BRME1: variants seen among roughly 807,000 people sequenced by gnomAD.
The protein encoded by BRME1 is BRCA2 and MEILB2-associating protein 1.
Under a neutral mutation model 52.6 loss-of-function variants are expected in BRME1, and 31 were observed. The observed-to-expected ratio is 0.59, with a 90% CI of 0.44 to 0.80. The LOEUF (loss-of-function observed/expected upper bound fraction) is 0.80. BRME1 is among the 30% of genes least tolerant of loss of function. BRME1 has a pLI of 0.00. For missense variants in BRME1, 804 were observed against 860.3 expected (o/e 0.93, Z 0.82); for synonymous variants, 359 against 353.6 (o/e 1.02, Z -0.17).
rs1373667202 is a variant in BRME1 at position 13,889,624 on chromosome 19, A to T, written c.1232T>A (p.Val411Asp). ...AGQDGKPPGD[V>D]LVGPTASLAL... ...CAGGGAGGCTGTAGGGCCCACTAGG[A>T]CATCGCCGGGGGGCTTGCCATCCTG... Residue 411 changes from valine to aspartate, a missense_variant, in exon 6 of 9, where the codon GTC (valine) becomes GAC (aspartate). By Grantham distance (152) the Val-to-Asp change is radical (BLOSUM62 -3). This residue lies in a region of BRME1 where 552 missense variants were observed against 561.1 expected (regional missense o/e 0.98). Transcript: ENST00000586783. 1.9e-6 allele frequency: 3 copies of T among 1,608,762 alleles called. No individual in the cohort carries two copies. The highest frequency in any genetic ancestry group is 2.5e-6 in the Non-Finnish European group (3 of 1,177,118).
intron 2 of BRME1, among the ~76,000 whole-genome samples, chr19:13,902,694 C>A (rs544584251): frequency 8.0e-5 from 12 of 149,292 alleles, no homozygotes; most frequent in Non-Finnish European, 1.6e-4. Context: ...CACTTTGGGA[C>A]ACCAAGACGG....
In BRME1 at chr19:13,882,374, T is replaced by C. The variant is rs1020176535; in HGVS notation, c.*428A>G. ...CACGGGGCCTCTACAGAATCATTTA[T>C]TATGGGTCTTCCCAGAAGAAATAAA... On this transcript the variant is annotated 3_prime_UTR_variant, in exon 9 of 9. Transcript: ENST00000586783. The C allele has an allele frequency of 8.2e-5, 33 of 403,560 alleles. No homozygotes were observed. The highest frequency in any genetic ancestry group is 5.5e-4 in the African/African-American group (27 of 48,772). 25.0% of individuals were successfully genotyped at this position (403,560 alleles called of 1,614,324 possible).
intron 2 of BRME1, among the ~76,000 whole-genome samples, chr19:13,900,449 T>G (rs1196388808): frequency 6.6e-6 from 1 of 152,156 alleles, no homozygotes; most frequent in Non-Finnish European, 1.5e-5. Context: ...GTCAGAGAAA[T>G]TCTGATGCCT....
chr19:13,893,071 G>A (rs958798679), intron 4 of BRME1, 71 bp downstream of exon 4: 26 of 1,459,674 alleles, frequency 1.8e-5, no homozygotes, highest in Non-Finnish European at 2.4e-5. Flanking sequence ...ACAAAGAAGG[G>A]AGACACAGAG....
chr19:13,904,916 G>C lies in BRME1; in HGVS notation c.-21-3C>G. ...ATTTTATCTTCCCCTTGAGAAATCT[G>C]AAAACAAGCAAAATCTCTCATCATT... On this transcript the variant is annotated splice_region_variant and splice_polypyrimidine_tract_variant and intron_variant, in intron 1 of 8. Coordinates refer to ENST00000586783, the MANE Select transcript of BRME1 (RefSeq NM_001345843.2). 6.2e-7 allele frequency: 1 copy of C among 1,610,206 alleles called. No homozygotes were observed. The highest frequency in any genetic ancestry group is 8.5e-7 in the Non-Finnish European group (1 of 1,176,722).
At chr19:13,893,245 T>C in intron 3 of BRME1, 22 bp from the exon 4 acceptor site, 1 of 1,559,880 alleles carries the variant, frequency 6.4e-7, no homozygotes, top group Non-Finnish European at 8.7e-7. Flanking sequence ...AAGATAAAAC[T>C]GAAGGAGATC....
rs1968785428 is a variant in BRME1, at chr19:13,883,512, C to T, written c.1764-112G>A. On this transcript the variant is annotated intron_variant, in intron 7 of 8. Coordinates refer to ENST00000586783, the MANE Select transcript of BRME1 (RefSeq NM_001345843.2). The surrounding 1 kb of genome is among the most constrained non-coding windows in gnomAD (Gnocchi z 4.2). ...GCGCCATCTTTTCCAGGTGTCCAGC[C>T]TGTCCTCCTCTGTTCACGACAGAAC... 2.6e-6 allele frequency: 2 copies of T among 776,132 alleles called. No homozygotes were observed. 48.1% of individuals were successfully genotyped at this position (776,132 alleles called of 1,614,324 possible). A position where few individuals can be genotyped will look rare whatever the true frequency, so the allele number is the denominator to read the frequency against.
At chr19:13,895,907 A>C (rs1269079853) in intron 2 of BRME1, among the ~76,000 whole-genome samples, 2 of 152,180 alleles carry the variant, frequency 1.3e-5, no homozygotes, top group Admixed American at 6.6e-5. Flanking sequence ...TTCTGCACTA[A>C]CTTCCCCATC....
chr19:13,888,209 A>ATT lies in BRME1; in HGVS notation c.1668+977_1668+978dup, dbSNP rs774420250. ...TGGGAGCCACTGTGCCTGGCCATGA[A>ATT]TTTTTTTTTTTTTTTTTAACATCTC... On this transcript the variant is annotated intron_variant, in intron 6 of 8. Transcript: ENST00000586783. This position sits in a 1 kb window ranked among gnomAD's most constrained non-coding sequence, Gnocchi z 4.1. Among the ~76,000 whole-genome samples the ATT allele has an allele frequency of 5.6e-5, 8 of 143,976 alleles. No homozygotes were observed. Among genetic ancestry groups the ATT allele is most frequent in the African/African-American group, 1.5e-4 (6 of 39,416 alleles). 94.5% of individuals were successfully genotyped at this position (143,976 alleles called of 152,430 possible).
rs1369060184 is a variant in BRME1 at position 13,889,178 on chromosome 19, C to A, written c.1668+10G>T. ...GGGCAGGTATGTCTGTCACTCAGGGCAGCTCTCACCTGCTCAGGTGGGGCT... is the reference window on the plus strand; with the variant it reads ...GGGCAGGTATGTCTGTCACTCAGGGAAGCTCTCACCTGCTCAGGTGGGGCT... On this transcript the variant is annotated intron_variant, in intron 6 of 8. Coordinates refer to ENST00000586783, the MANE Select transcript of BRME1 (RefSeq NM_001345843.2). 4 of 1,549,498 alleles carry A rather than the reference C, an allele frequency of 2.6e-6. No individual in the cohort carries two copies. The highest frequency in any genetic ancestry group is 2.7e-5 in the African/African-American group (2 of 72,994).
In BRME1 at chr19:13,892,834, T is replaced by C. The variant is rs772844852; in HGVS notation, c.345A>G (p.Arg115=). ...GGTCCTCATCCTTCATCTCTTCTTT[T>C]CTTGTCACTGTCTTCCTGGATTTTG... The part of the protein sequence containing the change: ...QFAKSRKTVT[R]KEEMKDEDRG... Residue 115 remains arginine (R), a synonymous_variant, in exon 5 of 9, where the codon AGA becomes AGG. Transcript: ENST00000586783. 2.5e-6 allele frequency: 4 copies of C among 1,614,214 alleles called. No individual in the cohort carries two copies. In the South Asian group the frequency reaches 4.4e-5, roughly 18 times the overall value.
At chr19:13,899,698 T>C (rs574681213) in intron 2 of BRME1, among the ~76,000 whole-genome samples, 3 of 152,186 alleles carry the variant, frequency 2.0e-5, no homozygotes, top group African/African-American at 7.2e-5. Context: ...GGACATTGCT[T>C]ATAGAAACAC....
intron 2 of BRME1, among the ~76,000 whole-genome samples, chr19:13,903,673 CAAAAAAA>C (rs35662610): frequency 1.5e-4 from 19 of 128,244 alleles, no homozygotes; most frequent in Non-Finnish European, 2.1e-4. Flanking sequence ...ACTTGGTCTC[CAAAAAAA>C]AAAAAAATAA....
rs189726649 is a variant in BRME1, at chr19:13,892,682, G to A, written c.393+104C>T. Reference sequence around the variant, plus strand: ...GAAAACGGTGGGTGGAGAGGTGCAGGCCTCACCATTGCCAAAGAACTCCAG... The same window carrying A: ...GAAAACGGTGGGTGGAGAGGTGCAGACCTCACCATTGCCAAAGAACTCCAG... On this transcript the variant is annotated intron_variant, in intron 5 of 8. Transcript: ENST00000586783. 1.3e-5 allele frequency: 10 copies of A among 795,612 alleles called. No individual in the cohort carries two copies. The Admixed American group carries it at 2.1e-4, about 16-fold the overall frequency. 49.3% of individuals were successfully genotyped at this position (795,612 alleles called of 1,614,324 possible).
Position 13,904,848 on chromosome 19 carries a change from T to C in BRME1, c.31+14A>G, listed in dbSNP as rs757345702. 17 of 1,613,132 alleles carry C rather than the reference T, an allele frequency of 1.1e-5. No individual in the cohort carries two copies. The highest frequency in any genetic ancestry group is 1.4e-5 in the Non-Finnish European group (17 of 1,179,378). On this transcript the variant is annotated intron_variant, in intron 2 of 8. Transcript: ENST00000586783. ...GAAGCAGAAATCAACAAGTGTCCATTTGAATGAACGTACCTGAGGTCCGCA... is the reference window on the plus strand; with the variant it reads ...GAAGCAGAAATCAACAAGTGTCCATCTGAATGAACGTACCTGAGGTCCGCA...
At chr19:13,896,453 GTATTA>G (rs920432599) in intron 2 of BRME1, among the ~76,000 whole-genome samples, 27 of 142,796 alleles carry the variant, frequency 1.9e-4, no homozygotes, top group Admixed American at 1.3e-3. Flanking sequence ...TTATATCCTT[GTATTA>G]TATTATATAT....
At chr19:13,885,065 G>C (rs1416926117) in intron 7 of BRME1, 1 of 152,454 alleles carries the variant, frequency 6.6e-6, no homozygotes, top group Non-Finnish European at 1.5e-5. Context: ...TCTGGTCCAC[G>C]TGCAGGTTGT....
Position 13,890,137 on chromosome 19 carries a change from A to C in BRME1, c.719T>G (p.Ile240Ser). The change falls in exon 6 of 9, where the codon ATT becomes AGT. Residue 240 changes from isoleucine to serine, a missense_variant. Physicochemically the swap from Ile to Ser is moderately radical, Grantham distance 142. Transcript: ENST00000586783. ...DGGQKEHLPS[I>S]DSEGEKPDRG... is the part of the protein sequence containing the mutation. The stretch of plus-strand genomic sequence containing the variant: ...GTCTGGCTTCTCCCCTTCAGAATCA[A>C]TGCTTGGTAGGTGTTCCTTTTGGCC... The C allele has an allele frequency of 6.2e-7, 1 of 1,614,018 alleles. No homozygotes were observed.
rs1968792883 is a variant in BRME1, at chr19:13,883,612, C to A, written c.1764-212G>T. The A allele has an allele frequency of 1.9e-6, 1 of 524,960 alleles. No individual in the cohort carries two copies. The highest frequency in any genetic ancestry group is 3.4e-6 in the Non-Finnish European group (1 of 290,696). 32.5% of individuals were successfully genotyped at this position (524,960 alleles called of 1,614,324 possible). A position where few individuals can be genotyped will look rare whatever the true frequency, so the allele number is the denominator to read the frequency against. On this transcript the variant is annotated intron_variant, in intron 7 of 8. Transcript: ENST00000586783. This position sits in a 1 kb window ranked among gnomAD's most constrained non-coding sequence, Gnocchi z 4.2. ...ACCGCTTCTCCCCTACCTGCCCTGC[C>A]CTCTCAGGACGCTGCTGCCACCGCC...
Sources: allele counts gnomAD v4.1 joint callset (sites outside exome capture counted in the v4.1 genomes callset), GRCh38; gene constraint gnomAD v4.1.1; regional missense constraint gnomAD v4.1.1; non-coding constraint Gnocchi (gnomAD v3.1); transcripts MANE v1.5; gene names NCBI Gene and HGNC (gene_info 2026-07-23, HGNC 2026-07-21).